The following CDC42BPA variants were observed in gnomAD, a reference collection of about 807,000 sequenced individuals.
CDC42BPA encodes serine/threonine-protein kinase MRCK alpha.
Under a neutral mutation model 223.5 loss-of-function variants are expected in CDC42BPA, and 80 were observed. That is an observed-to-expected ratio of 0.36 (90% CI 0.30 to 0.43). The LOEUF (loss-of-function observed/expected upper bound fraction) is 0.43. Among genes scored for constraint, CDC42BPA ranks in the 20% least tolerant of loss-of-function variants. The pLI, the probability that CDC42BPA is intolerant of heterozygous loss-of-function variation, is 1.00. For synonymous variants in CDC42BPA, 694 were observed against 718.6 expected (o/e 0.97, Z 0.55); for missense variants, 1,743 against 2,099.9 (o/e 0.83, Z 3.32).
chr1:227,179,394 T>C (rs1321344670), intron 5 of CDC42BPA, among the ~76,000 whole-genome samples: 3 of 151,990 alleles, frequency 2.0e-5, no homozygotes, highest in South Asian at 2.1e-4. Flanking sequence ...CCCAGCACTT[T>C]GGGAGGCCGA....
At chr1:227,076,413 C>T (rs545732521) in intron 17 of CDC42BPA, among the ~76,000 whole-genome samples, 35 of 152,202 alleles carry the variant, frequency 2.3e-4, no homozygotes, top group Non-Finnish European at 4.0e-4. Context: ...CATGCCACCA[C>T]GCCTGGCTAA....
At chr1:227,168,497 G>GTGTTTTGTTTTT (rs1302291274) in intron 5 of CDC42BPA, among the ~76,000 whole-genome samples, 13,177 of 79,960 alleles carry the variant, frequency 0.16, 1,476 homozygotes, top group Middle Eastern at 0.3. Context: ...CTTCCCTGGT[G>GTGTTTTGTTTTT]TTTTTTTTTT....
At chr1:227,139,773 T>C (rs774063905) in intron 9 of CDC42BPA, 31 bp from the exon 10 acceptor site, 2 of 1,376,048 alleles carry the variant, frequency 1.5e-6, no homozygotes, top group Admixed American at 2.7e-5. Context: ...TGTAGGTTCA[T>C]ACTGTGATAA....
At chr1:227,168,624 T>C (rs557083847) in intron 5 of CDC42BPA, among the ~76,000 whole-genome samples, 5 of 151,214 alleles carry the variant, frequency 3.3e-5, no homozygotes, top group African/African-American at 1.2e-4. Context: ...GCCTCCCGAG[T>C]AGCTGGGACT....
intron 34 of CDC42BPA, among the ~76,000 whole-genome samples, chr1:227,006,937 T>C (rs201737042): frequency 0.22 from 32,513 of 146,202 alleles, 3,634 homozygotes; most frequent in African/African-American, 0.23. Flanking sequence ...CTCTGCAGAG[T>C]GAGACTCCGT....
chr1:227,135,184 G>A (rs1658237105), intron 10 of CDC42BPA, among the ~76,000 whole-genome samples: 1 of 152,342 alleles, frequency 6.6e-6, no homozygotes, highest in African/African-American at 2.4e-5. Context: ...TCTGGAGGAT[G>A]TGTGGGGATG....
At chr1:227,051,856 G>C (rs765458798) in intron 22 of CDC42BPA, 25 bp downstream of exon 22, 2 of 1,285,962 alleles carry the variant, frequency 1.6e-6, no homozygotes, top group African/African-American at 1.5e-5. Flanking sequence ...AAAAGTTGGG[G>C]AGCAGGGATG....
intron 34 of CDC42BPA, among the ~76,000 whole-genome samples, chr1:227,009,397 T>A (rs2148418773): frequency 6.6e-6 from 1 of 152,226 alleles, no homozygotes; most frequent in East Asian, 1.9e-4. Flanking sequence ...CATGGTCTTT[T>A]ATATGAAAAG....
chr1:227,267,888 G>C (rs924436303), intron 1 of CDC42BPA, among the ~76,000 whole-genome samples: 4 of 152,026 alleles, frequency 2.6e-5, no homozygotes, highest in Admixed American at 6.5e-5. Context: ...AATGAGATTC[G>C]GGTGGGGACA....
chr1:227,103,199 T>C (rs1685344274), intron 14 of CDC42BPA, among the ~76,000 whole-genome samples: 2 of 152,078 alleles, frequency 1.3e-5, no homozygotes, highest in East Asian at 1.9e-4. Flanking sequence ...AAATAACATA[T>C]TTATCATTTC....
intron 10 of CDC42BPA, 25 bp from the exon 11 acceptor site, chr1:227,129,256 T>TA: frequency 6.7e-7 from 1 of 1,496,000 alleles, no homozygotes; most frequent in Non-Finnish European, 9.0e-7. Flanking sequence ...ATAAAAGAAA[T>TA]AAAAATATCA....
chr1:227,132,855 C>T (rs547528894), intron 10 of CDC42BPA, among the ~76,000 whole-genome samples: 32 of 150,748 alleles, frequency 2.1e-4, no homozygotes, highest in South Asian at 1.1e-3. Flanking sequence ...CGTCTCTGCC[C>T]GGCCGCCCCG....
At chr1:227,305,587 C>T (rs994501613) in intron 1 of CDC42BPA, among the ~76,000 whole-genome samples, 3 of 152,164 alleles carry the variant, frequency 2.0e-5, no homozygotes, top group East Asian at 3.9e-4. Flanking sequence ...TCTCTTTCAA[C>T]GAAGTTCATA....
intron 5 of CDC42BPA, among the ~76,000 whole-genome samples, chr1:227,169,377 CTTTAA>C (rs2149905955): frequency 6.6e-6 from 1 of 152,172 alleles, no homozygotes; most frequent in Non-Finnish European, 1.5e-5. Flanking sequence ...ACTCTGGATT[CTTTAA>C]TTTTTCTCCA....
At chr1:227,194,011 C>T in intron 4 of CDC42BPA, 77 bp from the exon 5 acceptor site, 1 of 936,256 alleles carries the variant, frequency 1.1e-6, no homozygotes, top group South Asian at 2.0e-5. Context: ...CCAAGGTCAA[C>T]AGGACTGGGT....
intron 27 of CDC42BPA, 55 bp from the exon 28 acceptor site, chr1:227,031,569 A>G (rs71648415): frequency 0.015 from 20,589 of 1,399,230 alleles, 209 homozygotes; most frequent in Non-Finnish European, 0.018. Context: ...CCTTTATGCT[A>G]GTTTCATGAT....
intron 32 of CDC42BPA, among the ~76,000 whole-genome samples, chr1:227,020,833 C>A (rs193151617): frequency 6.6e-6 from 1 of 152,142 alleles, no homozygotes; most frequent in Admixed American, 6.5e-5. Context: ...TTTCAATATG[C>A]CTTCCTCATT....
intron 1 of CDC42BPA, among the ~76,000 whole-genome samples, chr1:227,308,985 T>C (rs1693048393): frequency 6.6e-6 from 1 of 152,108 alleles, no homozygotes; most frequent in South Asian, 2.1e-4. Flanking sequence ...TCCATATAAG[T>C]AGTACTTTGC....
chr1:226,994,478 C>G lies in CDC42BPA; in HGVS notation c.5134-79G>C. ...GAAGGGGCTCAGATTACCACCGCCC[C>G]CTCCAGCCACCCTGACCAAATAACC... On this transcript the variant is annotated intron_variant, in intron 36 of 36. Coordinates refer to ENST00000366766, the MANE Select transcript of CDC42BPA (RefSeq NM_001394014.1). The surrounding 1 kb of genome is among the most constrained non-coding windows in gnomAD (Gnocchi z 4.0). 2 of 1,426,710 alleles carry G rather than the reference C, an allele frequency of 1.4e-6. No individual in the cohort carries two copies. The highest frequency in any genetic ancestry group is 1.9e-6 in the Non-Finnish European group (2 of 1,080,814). 88.4% of individuals were successfully genotyped at this position (1,426,710 alleles called of 1,614,324 possible).
Sources: gnomAD v4.1 joint callset for allele counts (sites outside exome capture counted in the v4.1 genomes callset) on GRCh38, gnomAD v4.1.1 for gene constraint, Gnocchi (gnomAD v3.1) non-coding constraint, MANE v1.5 for transcripts, NCBI Gene and HGNC (gene_info 2026-07-23, HGNC 2026-07-21) for gene names.